Variants in DSCAML1 observed in about 807,000 individuals in gnomAD.
DSCAML1 encodes DS cell adhesion molecule like 1.
A neutral mutation model predicts 200.5 loss-of-function variants in DSCAML1; 38 were observed. That is an observed-to-expected ratio of 0.19 (90% CI 0.15 to 0.25). The LOEUF is 0.25. Ranked by LOEUF, DSCAML1 falls within the 10% of genes least tolerant of loss-of-function variation. The probability of loss-of-function intolerance (pLI) is 1.00; values close to 1 mark genes in which losing one functional copy is unlikely to be tolerated. For missense variants in DSCAML1, 2,223 were observed against 2,858.8 expected, an observed-to-expected ratio of 0.78 and a Z score of 5.07; for synonymous variants, 1,215 against 1,165.0, an observed-to-expected ratio of 1.04 and a Z score of -0.87.
At chr11:117,741,392 A>C (rs1296448405) in intron 3 of DSCAML1, among the ~76,000 whole-genome samples, 1 of 152,276 alleles carries the variant, frequency 6.6e-6, no homozygotes, top group African/African-American at 2.4e-5. Flanking sequence ...GGTTAAAGAC[A>C]ATGGATTGTT....
intron 20 of DSCAML1, among the ~76,000 whole-genome samples, chr11:117,445,126 G>C (rs1446434532): frequency 6.6e-6 from 1 of 152,216 alleles, no homozygotes; most frequent in Non-Finnish European, 1.5e-5. Flanking sequence ...GCATGTATGG[G>C]CACAGAGGGA....
At chr11:117,646,682 T>G (rs2052528566) in intron 3 of DSCAML1, among the ~76,000 whole-genome samples, 2 of 152,148 alleles carry the variant, frequency 1.3e-5, no homozygotes, top group South Asian at 4.1e-4. Context: ...TAGCTTGCAA[T>G]TGGCCATGGT....
At chr11:117,661,809 G>A (rs575583987) in intron 3 of DSCAML1, among the ~76,000 whole-genome samples, 7 of 152,326 alleles carry the variant, frequency 4.6e-5, no homozygotes, top group African/African-American at 1.7e-4. Flanking sequence ...GAGGATGTCA[G>A]ATGGTGACTA....
intron 3 of DSCAML1, among the ~76,000 whole-genome samples, chr11:117,769,261 ATTTTATATAT>A: frequency 1.4e-4 from 1 of 7,294 alleles, no homozygotes; most frequent in Admixed American, 5.0e-3. Context: ...TATATTATAT[ATTTTATATAT>A]TTATATATTA....
intron 4 of DSCAML1, among the ~76,000 whole-genome samples, chr11:117,529,279 T>G (rs575784831): frequency 1.3e-5 from 2 of 152,278 alleles, no homozygotes; most frequent in African/African-American, 2.4e-5. Flanking sequence ...GGTTTTGCCA[T>G]GTTGGCCAGG....
intron 23 of DSCAML1, 133 bp from the exon 24 acceptor site, chr11:117,439,116 C>T (rs1340326688): frequency 2.2e-6 from 3 of 1,353,000 alleles, no homozygotes; most frequent in Non-Finnish European, 2.0e-6. Flanking sequence ...GCTCTCCTGC[C>T]TCCCCTTCCA....
intron 3 of DSCAML1, among the ~76,000 whole-genome samples, chr11:117,603,089 T>A (rs924252491): frequency 2.6e-5 from 4 of 152,098 alleles, no homozygotes; most frequent in African/African-American, 7.2e-5. Flanking sequence ...AGTGAGACCC[T>A]GTCCCAACAA....
chr11:117,466,162 T>G (rs967055146), intron 16 of DSCAML1, among the ~76,000 whole-genome samples: 12 of 152,202 alleles, frequency 7.9e-5, no homozygotes, highest in Non-Finnish European at 1.8e-4. Context: ...CAAAGCAGCA[T>G]TATTCAGAAT....
chr11:117,570,181 C>T (rs73586700), intron 3 of DSCAML1, among the ~76,000 whole-genome samples: 1,963 of 152,038 alleles, frequency 0.013, 44 homozygotes, highest in African/African-American at 0.044. Context: ...GGTCGGCTGG[C>T]GCGTCTCAGA....
At chr11:117,796,042 C>T (rs1050320486) in intron 1 of DSCAML1, among the ~76,000 whole-genome samples, 1 of 152,240 alleles carries the variant, frequency 6.6e-6, no homozygotes, top group South Asian at 2.1e-4. Flanking sequence ...GCCATCTGCG[C>T]GCCCGGGGGC....
intron 3 of DSCAML1, among the ~76,000 whole-genome samples, chr11:117,734,177 C>T (rs2054277636): frequency 6.6e-6 from 1 of 152,238 alleles, no homozygotes; most frequent in Non-Finnish European, 1.5e-5. Flanking sequence ...TTGGTCACTC[C>T]TCTTTTCTCA....
chr11:117,692,490 G>A (rs1223233310), intron 3 of DSCAML1, among the ~76,000 whole-genome samples: 1 of 152,094 alleles, frequency 6.6e-6, no homozygotes, highest in Non-Finnish European at 1.5e-5. Context: ...ATAACTAGAT[G>A]TTGGTCAGGA....
chr11:117,548,292 CAG>C (rs887179221), intron 3 of DSCAML1, among the ~76,000 whole-genome samples: 3 of 152,212 alleles, frequency 2.0e-5, no homozygotes, highest in African/African-American at 7.2e-5. Flanking sequence ...AGCTGAGGAT[CAG>C]AGAGGTCACA....
intron 3 of DSCAML1, among the ~76,000 whole-genome samples, chr11:117,657,958 C>T (rs1460852389): frequency 6.6e-6 from 1 of 152,196 alleles, no homozygotes; most frequent in Admixed American, 6.5e-5. Flanking sequence ...TGAGCACAGA[C>T]TGCTTGCTGC....
At chr11:117,583,610 C>T (rs2051084637) in intron 3 of DSCAML1, among the ~76,000 whole-genome samples, 1 of 152,214 alleles carries the variant, frequency 6.6e-6, no homozygotes, top group East Asian at 1.9e-4. Context: ...ACCCCTCTCC[C>T]TGTGCAGGTC....
At chr11:117,770,288 G>T (rs1270120372) in intron 3 of DSCAML1, among the ~76,000 whole-genome samples, 1 of 152,228 alleles carries the variant, frequency 6.6e-6, no homozygotes, top group Admixed American at 6.5e-5. Flanking sequence ...AGCTCCTTTT[G>T]TTGAATTGCC....
At chr11:117,772,411 A>G (rs1178736725) in intron 3 of DSCAML1, among the ~76,000 whole-genome samples, 2 of 152,158 alleles carry the variant, frequency 1.3e-5, no homozygotes, top group East Asian at 3.9e-4. Context: ...CAGTGTCCTC[A>G]GCGCACTTTC....
intron 3 of DSCAML1, among the ~76,000 whole-genome samples, chr11:117,545,234 A>AAAAC (rs1555183488): frequency 7.7e-5 from 11 of 143,478 alleles, no homozygotes; most frequent in African/African-American, 3.1e-4. Flanking sequence ...CGTAAAAAAA[A>AAAAC]ACACACACAC....
At chr11:117,482,485 T>C (rs1269592120) in intron 11 of DSCAML1, among the ~76,000 whole-genome samples, 3 of 152,228 alleles carry the variant, frequency 2.0e-5, no homozygotes, top group Admixed American at 2.0e-4. Context: ...ATTAAAAACA[T>C]GAACAAGCAA....
Sources: gnomAD v4.1 joint callset for allele counts (sites outside exome capture counted in the v4.1 genomes callset) on GRCh38, gnomAD v4.1.1 for gene constraint, MANE v1.5 for transcripts, NCBI Gene and HGNC (gene_info 2026-07-23, HGNC 2026-07-21) for gene names.